The following CRISP2 variants were observed in gnomAD, a reference collection of about 807,000 sequenced individuals.
The protein encoded by CRISP2 is cysteine-rich secretory protein 2.
CRISP2 carries 29 observed loss-of-function variants against 31.7 expected under a neutral mutation model. The ratio of observed to expected loss-of-function variants is 0.92; its 90% CI spans 0.68 to 1.25. The LOEUF (loss-of-function observed/expected upper bound fraction) is 1.25, where lower values mean the gene tolerates loss of function less well. Ranked by LOEUF, CRISP2 falls within the 50% of genes most tolerant of loss-of-function variation. CRISP2 has a pLI of 0.00. For missense variants in CRISP2, 318 were observed against 286.5 expected, an observed-to-expected ratio of 1.11 and a Z score of -0.79; for synonymous variants, 111 against 101.4, an observed-to-expected ratio of 1.09 and a Z score of -0.57.
intron 4 of CRISP2, among the ~76,000 whole-genome samples, chr6:49,705,068 C>G (rs1198974701): frequency 4.6e-5 from 7 of 152,092 alleles, no homozygotes; most frequent in Non-Finnish European, 1.0e-4. Context: ...GGCTATAGAG[C>G]TCCCAAGAGT....
At chr6:49,699,915 T>C (rs1188301150) in intron 5 of CRISP2, 24 bp from the exon 6 acceptor site, 1 of 1,600,410 alleles carries the variant, frequency 6.2e-7, no homozygotes, top group African/African-American at 1.3e-5. Flanking sequence ...GAAAACAAAA[T>C]ACACTTAATG....
At chr6:49,704,208 G>GT (rs1037159518) in intron 4 of CRISP2, among the ~76,000 whole-genome samples, 2 of 151,624 alleles carry the variant, frequency 1.3e-5, no homozygotes, top group East Asian at 1.9e-4. Context: ...AGTTGTGATT[G>GT]TTTTTTTATT....
At chr6:49,687,797 C>A (rs1314381864), downstream of CRISP2, among the ~76,000 whole-genome samples, 1 of 152,124 alleles carries the variant, frequency 6.6e-6, no homozygotes, top group Non-Finnish European at 1.5e-5. Context: ...TACTCAGGGG[C>A]GAGGATCAGA....
intron 4 of CRISP2, among the ~76,000 whole-genome samples, chr6:49,702,526 T>C (rs1421066996): frequency 6.6e-6 from 1 of 152,048 alleles, no homozygotes; most frequent in African/African-American, 2.4e-5. Flanking sequence ...TTAGCCTCAT[T>C]GTGGTTTCGA....
intron 4 of CRISP2, among the ~76,000 whole-genome samples, chr6:49,703,973 T>C (rs965894411): frequency 2.0e-5 from 3 of 152,186 alleles, no homozygotes; most frequent in African/African-American, 7.2e-5. Context: ...ATGTCTCTTC[T>C]TCCCCAGGAA....
In CRISP2 at chr6:49,699,861, G is replaced by A. The variant is rs758999345; in HGVS notation, c.214C>T (p.Gln72Ter). 6.2e-7 allele frequency: 1 copy of A among 1,612,526 alleles called. No homozygotes were observed. The highest frequency in any genetic ancestry group is 1.1e-5 in the South Asian group (1 of 91,002). The stretch of plus-strand genomic sequence containing the variant: ...AAAGTGCACTTGTTTGCCCACCTTT[G>A]GGCATTCGTTGTTACCTCTCTGCTC... ...EWSREVTTNA[Q>*]RWANKCTLQH... Residue 72 changes from glutamine to a stop codon, truncating the protein, a stop_gained, in exon 6 of 10, where the codon CAA becomes TAA. Coordinates refer to ENST00000339139, the MANE Select transcript of CRISP2 (RefSeq NM_003296.4). LOFTEE classifies it high-confidence loss of function.
chr6:49,701,009 T>C (rs1222107322), intron 4 of CRISP2, among the ~76,000 whole-genome samples: 1 of 152,144 alleles, frequency 6.6e-6, no homozygotes, highest in East Asian at 1.9e-4. Flanking sequence ...AGTAAAGTAG[T>C]AGACTGAAAC....
intron 9 of CRISP2, among the ~76,000 whole-genome samples, chr6:49,693,104 C>G (rs1486315987): frequency 6.6e-6 from 1 of 152,032 alleles, no homozygotes; most frequent in Non-Finnish European, 1.5e-5. Context: ...CTATCTGGAT[C>G]CAGGGACATA....
chr6:49,677,254 T>C, the CRISP2 span, among the ~76,000 whole-genome samples: 15 of 152,296 alleles, frequency 9.8e-5, no homozygotes, highest in African/African-American at 3.4e-4. Context: ...GTTCTTTCCA[T>C]TAAGTTTTTA....
At chr6:49,685,881 C>T in the CRISP2 span, among the ~76,000 whole-genome samples, 4 of 151,966 alleles carry the variant, frequency 2.6e-5, no homozygotes, top group Non-Finnish European at 4.4e-5. Context: ...GTATGTAAGA[C>T]ATTAATATAA....
the CRISP2 span, among the ~76,000 whole-genome samples, chr6:49,678,579 T>C: frequency 6.6e-6 from 1 of 152,038 alleles, no homozygotes; most frequent in Non-Finnish European, 1.5e-5. Flanking sequence ...GTTTCTCCGG[T>C]GGGATTGGGA....
Position 49,698,510 on chromosome 6 carries a change from A to C in CRISP2, c.272-3T>G, listed in dbSNP as rs768339399. The C allele has an allele frequency of 1.2e-6, 2 of 1,603,002 alleles. No homozygotes were observed. The highest frequency in any genetic ancestry group is 2.3e-5 in the South Asian group (2 of 88,766). ...GAGATTCTCACCACATCTTGTACCT[A>C]AGGGGCAGATCATTCATGAGCAAGG... On this transcript the variant is annotated splice_region_variant and splice_polypyrimidine_tract_variant and intron_variant, in intron 6 of 9. Coordinates refer to ENST00000339139, the MANE Select transcript of CRISP2 (RefSeq NM_003296.4).
Position 49,701,498 on chromosome 6 carries a change from G to GTA in CRISP2, c.67-715_67-714insTA, listed in dbSNP as rs1298287857. 6.8e-3 allele frequency among the ~76,000 whole-genome samples: 425 copies of GTA among 62,058 alleles called. 11 individuals carry two copies. The highest frequency in any genetic ancestry group is 0.02 in the African/African-American group (317 of 15,790). 40.7% of individuals were successfully genotyped at this position (62,058 alleles called of 152,430 possible). On this transcript the variant is annotated intron_variant, in intron 4 of 9. Coordinates refer to ENST00000339139, the MANE Select transcript of CRISP2 (RefSeq NM_003296.4). ...TGAGCAGTATTACGTGTGTGTGTGT[G>GTA]TGTATATATATATATATATATATAT... is the stretch of plus-strand genomic sequence containing the variant.
the CRISP2 span, among the ~76,000 whole-genome samples, chr6:49,686,821 A>C: frequency 6.6e-6 from 1 of 152,228 alleles, no homozygotes; most frequent in African/African-American, 2.4e-5. Context: ...CAACAATGAT[A>C]GACTGGATTA....
downstream of CRISP2, among the ~76,000 whole-genome samples, chr6:49,689,939 A>C (rs1027052108): frequency 2.0e-5 from 3 of 152,180 alleles, no homozygotes; most frequent in Admixed American, 6.6e-5. Context: ...AGTATATTAA[A>C]AAAAATTCTC....
Position 49,692,858 on chromosome 6 carries a change from G to T in CRISP2, c.647C>A (p.Ser216Tyr). 1.2e-6 allele frequency: 2 copies of T among 1,613,662 alleles called. No individual in the cohort carries two copies. The highest frequency in any genetic ancestry group is 1.7e-6 in the Non-Finnish European group (2 of 1,179,662). Residue 216 changes from serine (S) to tyrosine (Y), a missense_variant, in exon 10 of 10, where the codon TCC becomes TAC. Ser to Tyr is a moderately radical substitution (Grantham distance 144). Transcript: ENST00000339139. ...QYQDLLSNCDSLKNTAGCEHE... is the reference protein window; with the variant it reads ...QYQDLLSNCDYLKNTAGCEHE... ...TTCACAGCCAGCTGTATTCTTCAAG[G>T]AATCACAGTTACTTAGGAGATCTTG... is the stretch of plus-strand genomic sequence containing the variant.
intron 4 of CRISP2, among the ~76,000 whole-genome samples, chr6:49,704,646 G>T (rs1283337117): frequency 6.6e-6 from 1 of 152,128 alleles, no homozygotes; most frequent in African/African-American, 2.4e-5. Flanking sequence ...CAGAGCTACT[G>T]GGCTCCAGGC....
At chr6:49,691,011 T>C (rs1238204750), downstream of CRISP2, among the ~76,000 whole-genome samples, 1 of 151,910 alleles carries the variant, frequency 6.6e-6, no homozygotes, top group East Asian at 1.9e-4. Flanking sequence ...GCTATGAGAA[T>C]AGCAAAGATT....
chr6:49,699,327 G>A (rs1390817323), intron 6 of CRISP2, among the ~76,000 whole-genome samples: 1 of 151,810 alleles, frequency 6.6e-6, no homozygotes, highest in Non-Finnish European at 1.5e-5. Flanking sequence ...CCACTTTAGA[G>A]CAAAACTTAG....
Sources: allele counts gnomAD v4.1 joint callset (sites outside exome capture counted in the v4.1 genomes callset), GRCh38; gene constraint gnomAD v4.1.1; transcripts MANE v1.5; gene names NCBI Gene and HGNC (gene_info 2026-07-23, HGNC 2026-07-21).